CGB1: variants seen among roughly 807,000 people sequenced by gnomAD.
The protein encoded by CGB1 is chorionic gonadotropin subunit beta 1, also known as choriogonadotropin subunit beta variant 1.
A neutral mutation model predicts 7.0 loss-of-function variants in CGB1; 4 were observed. The observed-to-expected ratio is 0.57, with a 90% CI of 0.28 to 1.31. The LOEUF is 1.31. Ranked by LOEUF, CGB1 falls within the 50% of genes most tolerant of loss-of-function variation. The pLI, the probability that CGB1 is intolerant of heterozygous loss-of-function variation, is 0.10. For synonymous variants in CGB1, 72 were observed against 96.4 expected (o/e 0.75, Z 1.48); for missense variants, 139 against 219.1 (o/e 0.63, Z 2.31).
rs186325363 is a variant in CGB1, at chr19:49,036,447, C to G, written c.10-144G>C. 1,440 of 1,563,196 alleles carry G rather than the reference C, an allele frequency of 9.2e-4. 2 individuals carry two copies. Among genetic ancestry groups the G allele is most frequent in the Admixed American group, 1.8e-3 (99 of 53,698 alleles). ...CAGGACCCACCACCCGGACACCTGCCTTTCAGAGCCCACCCCACAGCCCAG... is the reference window on the plus strand; with the variant it reads ...CAGGACCCACCACCCGGACACCTGCGTTTCAGAGCCCACCCCACAGCCCAG... On this transcript the variant is annotated intron_variant, in intron 1 of 2. Transcript: ENST00000301407.
At position 49,035,717 on chromosome 19, in the gene CGB1, G is replaced by A; in HGVS notation, c.361C>T (p.Pro121Ser). Residue 121 changes from proline to serine, a missense_variant, in exon 3 of 3, where the codon CCC (proline) becomes TCC (serine). By Grantham distance (74) the Pro-to-Ser change is moderately conservative. This residue lies in a region of CGB1 where 60 missense variants were observed against 105.8 expected (regional missense o/e 0.57). Coordinates refer to ENST00000301407, the MANE Select transcript of CGB1 (RefSeq NM_033377.2). ...CRRSTTDCGG[P>S]KDHPLTCDDP... ...TCACAGGTCAAGGGGTGGTCCTTGG[G>A]ACCCCCGCAGTCAGTGGTGCTGCGG... The A allele has an allele frequency of 6.2e-7, 1 of 1,608,920 alleles. No individual in the cohort carries two copies. The highest frequency in any genetic ancestry group is 8.5e-7 in the Non-Finnish European group (1 of 1,178,958).
chr19:49,035,977 AGGTCTCAGACTCAGG>A, intron 2 of CGB1, 77 bp from the exon 3 acceptor site: 1 of 1,257,248 alleles, frequency 8.0e-7, no homozygotes, highest in African/African-American at 1.6e-5. Context: ...CTGCCCCCAC[AGGTCTCAGACTCAGG>A]GGTCCAGGAA....
chr19:49,036,331 G>A (rs1336686579), intron 1 of CGB1, 28 bp from the exon 2 acceptor site: 3 of 1,603,406 alleles, frequency 1.9e-6, no homozygotes, highest in African/African-American at 1.3e-5. Flanking sequence ...CTTCACCCGG[G>A]TCTGAGACTG....
intron 1 of CGB1, 56 bp from the exon 2 acceptor site, chr19:49,036,359 C>T: frequency 6.2e-7 from 1 of 1,602,152 alleles, no homozygotes; most frequent in Admixed American, 1.7e-5. Flanking sequence ...CAGTCCTGGC[C>T]TTCCCATCCC....
chr19:49,036,325 A>G lies in CGB1; in HGVS notation c.10-22T>C, dbSNP rs114491735. The G allele has an allele frequency of 4.5e-3, 7,295 of 1,603,672 alleles. 333 individuals are homozygous for G. The African/African-American group carries it at 0.088, about 19-fold the overall frequency. On this transcript the variant is annotated intron_variant, in intron 1 of 2. Coordinates refer to ENST00000301407, the MANE Select transcript of CGB1 (RefSeq NM_033377.2). ...GCCTCTGGGGCAAGGACACTGCTTC[A>G]CCCGGGTCTGAGACTGCAGCCCCCA...
chr19:49,036,590 G>A, intron 1 of CGB1, 113 bp downstream of exon 1: 16 of 1,613,876 alleles, frequency 9.9e-6, no homozygotes, highest in Non-Finnish European at 1.3e-5. Context: ...ACACGGGTCT[G>A]CCCCTTCTCA....
At chr19:49,035,942 C>T in intron 2 of CGB1, 42 bp from the exon 3 acceptor site, 7 of 1,181,508 alleles carry the variant, frequency 5.9e-6, no homozygotes, top group Non-Finnish European at 8.2e-6. Context: ...GTGCCTGGGG[C>T]CAGCGCCTCA....
At chr19:49,036,525 C>G (rs1251487961) in intron 1 of CGB1, 178 bp downstream of exon 1, 83 of 1,600,488 alleles carry the variant, frequency 5.2e-5, no homozygotes, top group Non-Finnish European at 6.8e-5. Flanking sequence ...AACTGACCCA[C>G]CTGAAGCTTA....
Position 49,036,866 on chromosome 19 carries a change from C to A in CGB1, c.-155G>T, listed in dbSNP as rs972497937. On this transcript the variant is annotated 5_prime_UTR_variant, in exon 1 of 3. Coordinates refer to ENST00000301407, the MANE Select transcript of CGB1 (RefSeq NM_033377.2). The stretch of plus-strand genomic sequence containing the variant: ...CAGCGGACCCAATTGGCTGCTCTCT[C>A]TCAGATGCAGTTCCCCTTCCTCCCT... 6 of 1,068,992 alleles carry A rather than the reference C, an allele frequency of 5.6e-6. No individual in the cohort carries two copies. The highest frequency in any genetic ancestry group is 1.4e-5 in the South Asian group (1 of 72,818). The allele number at this position is 1,068,992 out of a possible 1,614,324, so 66.2% of individuals were successfully genotyped here. A position where few individuals can be genotyped will look rare whatever the true frequency, so the allele number is the denominator to read the frequency against.
At chr19:49,036,364 C>T in intron 1 of CGB1, 61 bp from the exon 2 acceptor site, 2 of 1,602,066 alleles carry the variant, frequency 1.2e-6, no homozygotes, top group African/African-American at 2.7e-5. Flanking sequence ...CTGGCCTTCC[C>T]ATCCCGCATG....
At position 49,036,298 on chromosome 19, in the gene CGB1, C is replaced by T; in HGVS notation, c.15G>A (p.Leu5=). MSKR[L]LLLLLLSMGG... The stretch of plus-strand genomic sequence containing the variant: ...CCATGCTCAGCAGCAGCAACAGCAG[C>T]AGCCTCTGGGGCAAGGACACTGCTT... Residue 5 remains leucine (L), a synonymous_variant, in exon 2 of 3, where the codon CTG becomes CTA. Coordinates refer to ENST00000301407, the MANE Select transcript of CGB1 (RefSeq NM_033377.2). 2 of 1,605,898 alleles carry T rather than the reference C, an allele frequency of 1.2e-6. No homozygotes were observed. Among genetic ancestry groups the T allele is most frequent in the Middle Eastern group, 2.2e-4 (1 of 4,500 alleles).
rs2039822307 is a variant in CGB1, at chr19:49,036,594, C to A, written c.9+109G>T. 3.1e-6 allele frequency: 5 copies of A among 1,613,936 alleles called. No individual in the cohort carries two copies. The East Asian group carries it at 1.1e-4, about 36-fold the overall frequency. ...TTCCACAGCTCACACGGGTCTGCCCCTTCTCATGCCAGTGATGGCCTGGAA... is the reference window on the plus strand; with the variant it reads ...TTCCACAGCTCACACGGGTCTGCCCATTCTCATGCCAGTGATGGCCTGGAA... On this transcript the variant is annotated intron_variant, in intron 1 of 2. Coordinates refer to ENST00000301407, the MANE Select transcript of CGB1 (RefSeq NM_033377.2).
Position 49,035,648 on chromosome 19 carries a change from G to T in CGB1, c.430C>A (p.Pro144Thr), listed in dbSNP as rs755936073. ...AGACGGGATGGACTTGGAAGGCTGGGGGGAGGGGCCTTTGAGGAAGAGGAG... is the reference window on the plus strand; with the variant it reads ...AGACGGGATGGACTTGGAAGGCTGGTGGGAGGGGCCTTTGAGGAAGAGGAG... Reference protein sequence around the residue: ...QDSSSSKAPPPSLPSPSRLPG... With the variant: ...QDSSSSKAPPTSLPSPSRLPG... Residue 144 changes from proline to threonine, a missense_variant, in exon 3 of 3, where the codon CCC (proline) becomes ACC (threonine). Around this residue, in one of 4 missense-constraint regions of CGB1, gnomAD observed 44 missense variants for 35.0 expected, o/e 1.26. Transcript: ENST00000301407. 1.3e-5 allele frequency: 21 copies of T among 1,611,240 alleles called. No individual in the cohort carries two copies. In the East Asian group the frequency reaches 4.7e-4, roughly 36 times the overall value.
At position 49,035,689 on chromosome 19, in the gene CGB1, T is replaced by A; in HGVS notation, c.389A>T (p.Asp130Val). The A allele has an allele frequency of 6.2e-7, 1 of 1,607,832 alleles. No individual in the cohort carries two copies. Among genetic ancestry groups the A allele is most frequent in the South Asian group, 1.1e-5 (1 of 90,732 alleles). The change falls in exon 3 of 3, where the codon GAC becomes GTC. Residue 130 changes from aspartate to valine, a missense_variant. Transcript: ENST00000301407. Reference sequence around the variant, plus strand: ...GGAAGAGGAGTCCTGGAAGCGGGGGTCATCACAGGTCAAGGGGTGGTCCTT... The same window carrying A: ...GGAAGAGGAGTCCTGGAAGCGGGGGACATCACAGGTCAAGGGGTGGTCCTT... ...GPKDHPLTCD[D>V]PRFQDSSSSK...
chr19:49,036,302 C>T lies in CGB1; in HGVS notation c.11G>A (p.Arg4Lys), dbSNP rs1457305022. Reference sequence around the variant, plus strand: ...GCTCAGCAGCAGCAACAGCAGCAGCCTCTGGGGCAAGGACACTGCTTCACC... The same window carrying T: ...GCTCAGCAGCAGCAACAGCAGCAGCTTCTGGGGCAAGGACACTGCTTCACC... MSK[R>K]LLLLLLLSMG... Residue 4 changes from arginine (R) to lysine (K), a missense_variant and splice_region_variant, in exon 2 of 3, where the codon AGG becomes AAG. Arg to Lys is a conservative substitution (Grantham distance 26, BLOSUM62 2). Coordinates refer to ENST00000301407, the MANE Select transcript of CGB1 (RefSeq NM_033377.2). 1.2e-6 allele frequency: 2 copies of T among 1,605,724 alleles called. No homozygotes were observed. Among genetic ancestry groups the T allele is most frequent in the Admixed American group, 1.7e-5 (1 of 59,930 alleles).
rs200177766 is a variant in CGB1, at chr19:49,035,724, G to A, written c.354C>T (p.Cys118=). 3.1e-6 allele frequency: 5 copies of A among 1,608,386 alleles called. No homozygotes were observed. The highest frequency in any genetic ancestry group is 1.1e-5 in the South Asian group (1 of 90,852). ...CALCRRSTTD[C]GGPKDHPLTC... is the part of the protein sequence containing the mutation. The stretch of plus-strand genomic sequence containing the variant: ...TCAAGGGGTGGTCCTTGGGACCCCC[G>A]CAGTCAGTGGTGCTGCGGCGGCAGA... Residue 118 remains cysteine, a synonymous_variant, in exon 3 of 3, where the codon TGC becomes TGT. Coordinates refer to ENST00000301407, the MANE Select transcript of CGB1 (RefSeq NM_033377.2).
At position 49,036,885 on chromosome 19, in the gene CGB1, C is replaced by T. The variant is rs1162522223; in HGVS notation, c.-174G>A. On this transcript the variant is annotated 5_prime_UTR_variant, in exon 1 of 3. Coordinates refer to ENST00000301407, the MANE Select transcript of CGB1 (RefSeq NM_033377.2). ...CTCTCTCTCAGATGCAGTTCCCCTT[C>T]CTCCCTCCAGGGGGCGCCACGGAAC... The T allele has an allele frequency of 1.0e-5, 9 of 894,012 alleles. No individual in the cohort carries two copies. Among genetic ancestry groups the T allele is most frequent in the Middle Eastern group, 2.3e-4 (1 of 4,372 alleles). The allele number at this position is 894,012 out of a possible 1,614,324, so 55.4% of individuals were successfully genotyped here.
At position 49,035,706 on chromosome 19, in the gene CGB1, G is replaced by A. The variant is rs777548163; in HGVS notation, c.372C>T (p.His124=). ...STTDCGGPKD[H]PLTCDDPRFQ... is the part of the protein sequence containing the mutation. ...AGCGGGGGTCATCACAGGTCAAGGG[G>A]TGGTCCTTGGGACCCCCGCAGTCAG... Residue 124 remains histidine, a synonymous_variant, in exon 3 of 3, where the codon CAC becomes CAT. Coordinates refer to ENST00000301407, the MANE Select transcript of CGB1 (RefSeq NM_033377.2). The A allele has an allele frequency of 2.5e-6, 4 of 1,609,098 alleles. No individual in the cohort carries two copies.
chr19:49,036,647 C>T lies in CGB1; in HGVS notation c.9+56G>A, dbSNP rs1650055812. Reference sequence around the variant, plus strand: ...AGGTGGAAGGTGCCCAGGGGCCCTGCAGTCTTTCCTGGAACATCTCCATCT... The same window carrying T: ...AGGTGGAAGGTGCCCAGGGGCCCTGTAGTCTTTCCTGGAACATCTCCATCT... On this transcript the variant is annotated intron_variant, in intron 1 of 2. Transcript: ENST00000301407. 18 of 1,613,868 alleles carry T rather than the reference C, an allele frequency of 1.1e-5. No homozygotes were observed. In the South Asian group the frequency reaches 1.6e-4, roughly 15 times the overall value.
Sources: gnomAD v4.1 joint callset for allele counts on GRCh38, gnomAD v4.1.1 for gene constraint, gnomAD v4.1.1 regional missense constraint, MANE v1.5 for transcripts, NCBI Gene and HGNC (gene_info 2026-07-23, HGNC 2026-07-21) for gene names.